Variants in STT3A observed in about 807,000 individuals in gnomAD.
STT3A encodes dolichyl-diphosphooligosaccharide--protein glycosyltransferase subunit STT3A.
In STT3A, 34 loss-of-function variants were observed where a neutral mutation model predicts 89.2. That is an observed-to-expected ratio of 0.38 (90% CI 0.29 to 0.51). The LOEUF (loss-of-function observed/expected upper bound fraction) is 0.51. Among genes scored for constraint, STT3A ranks in the 20% least tolerant of loss-of-function variants. The probability of loss-of-function intolerance (pLI) is 0.89; values close to 1 mark genes in which losing one functional copy is unlikely to be tolerated. For synonymous variants in STT3A, 282 were observed against 310.3 expected (o/e 0.91, Z 0.96); for missense variants, 555 against 889.5 (o/e 0.62, Z 4.78).
chr11:125,606,484 A>G lies in STT3A; in HGVS notation c.780+19A>G. On this transcript the variant is annotated intron_variant, in intron 8 of 17. Coordinates refer to ENST00000392708, the MANE Select transcript of STT3A (RefSeq NM_152713.5). ...TTTCCAGGTGAGCCCTTGACTGAGTAGGGTTTTCAGCTTCTACTTTTTCTA... is the reference window on the plus strand; with the variant it reads ...TTTCCAGGTGAGCCCTTGACTGAGTGGGGTTTTCAGCTTCTACTTTTTCTA... 1 of 1,598,926 alleles carries G rather than the reference A, an allele frequency of 6.3e-7. No individual in the cohort carries two copies. The highest frequency in any genetic ancestry group is 8.5e-7 in the Non-Finnish European group (1 of 1,174,438).
rs551953274 is a variant in STT3A, at chr11:125,614,541, G to A, written c.1774+115G>A. On this transcript the variant is annotated intron_variant, in intron 15 of 17. Coordinates refer to ENST00000392708, the MANE Select transcript of STT3A (RefSeq NM_152713.5). This position sits in a 1 kb window ranked among gnomAD's most constrained non-coding sequence, Gnocchi z 4.9. ...TTTACTAAGATATTTTTCTTTCATG[G>A]GAAGTTCCTAAGTATTTGCAACTTG... 2 of 1,078,992 alleles carry A rather than the reference G, an allele frequency of 1.9e-6. No individual in the cohort carries two copies. Among genetic ancestry groups the A allele is most frequent in the African/African-American group, 1.6e-5 (1 of 62,416 alleles). The allele number at this position is 1,078,992 out of a possible 1,614,324, so 66.8% of individuals were successfully genotyped here.
chr11:125,613,125 T>A lies in STT3A; in HGVS notation c.1502T>A (p.Ile501Lys). 1.9e-6 allele frequency: 3 copies of A among 1,614,174 alleles called. No individual in the cohort carries two copies. The highest frequency in any genetic ancestry group is 1.3e-5 in the African/African-American group (1 of 75,038). ...SARGGDGSRIIFDDFREAYYW... is the reference protein window; with the variant it reads ...SARGGDGSRIKFDDFREAYYW... ...CGTGGTGGGGATGGCAGTAGGATCA[T>A]ATTTGATGACTTCCGAGAAGCATAT... is the stretch of plus-strand genomic sequence containing the variant. The change falls in exon 13 of 18, where the codon ATA (isoleucine) becomes AAA (lysine). Residue 501 changes from isoleucine (I) to lysine (K), a missense_variant. Around this residue, in one of 5 missense-constraint regions of STT3A, gnomAD observed 273 missense variants for 449.8 expected, o/e 0.61. Transcript: ENST00000392708. This position sits in a 1 kb window ranked among gnomAD's most constrained non-coding sequence, Gnocchi z 4.2.
chr11:125,602,327 G>A lies in STT3A; in HGVS notation c.174G>A (p.Arg58=), dbSNP rs1393305367. ...GGTACTTTAATTATCGGACTACCAG[G>A]TTCCTGGCTGAGGAGGGGTTTTATA... ...FDPYFNYRTT[R]FLAEEGFYKF... is the part of the protein sequence containing the mutation. The change falls in exon 4 of 18, where the codon AGG becomes AGA. Residue 58 remains arginine (R), a synonymous_variant. Transcript: ENST00000392708. The A allele has an allele frequency of 6.2e-7, 1 of 1,613,652 alleles. No individual in the cohort carries two copies. The highest frequency in any genetic ancestry group is 8.5e-7 in the Non-Finnish European group (1 of 1,179,924).
At chr11:125,612,850 C>A in intron 12 of STT3A, 103 bp downstream of exon 12, 1 of 1,520,578 alleles carries the variant, frequency 6.6e-7, no homozygotes, top group Non-Finnish European at 9.0e-7. Flanking sequence ...GAGCACTGTC[C>A]TAGGTGGTCA....
intron 4 of STT3A, 86 bp downstream of exon 4, chr11:125,602,510 G>A: frequency 8.6e-6 from 12 of 1,392,896 alleles, no homozygotes; most frequent in Non-Finnish European, 1.0e-5. Flanking sequence ...ATTTCTAATA[G>A]CTTTGTCTTG....
At chr11:125,608,384 G>C (rs897504399) in intron 9 of STT3A, 95 bp downstream of exon 9, 2 of 1,268,272 alleles carry the variant, frequency 1.6e-6, no homozygotes, top group Non-Finnish European at 2.1e-6. Context: ...GTGCGATCTC[G>C]GCTCACTGCA....
Position 125,608,174 on chromosome 11 carries a change from T to G in STT3A, c.846T>G (p.Phe282Leu). The change falls in exon 9 of 18, where the codon TTT becomes TTG. Residue 282 changes from phenylalanine to leucine, a missense_variant. Around this residue, in one of 5 missense-constraint regions of STT3A, gnomAD observed 149 missense variants for 206.2 expected, o/e 0.72. Coordinates refer to ENST00000392708, the MANE Select transcript of STT3A (RefSeq NM_152713.5). ...TTGGTCTCTGCCAGATCCATGCCTT[T>G]GTGGATTACCTGCGCAGCAAGTTGA... ...GVFGLCQIHA[F>L]VDYLRSKLNP... is the part of the protein sequence containing the mutation. 6.2e-7 allele frequency: 1 copy of G among 1,614,228 alleles called. No individual in the cohort carries two copies. The highest frequency in any genetic ancestry group is 1.1e-5 in the South Asian group (1 of 91,088).
chr11:125,598,929 A>G (rs12284897), intron 3 of STT3A, among the ~76,000 whole-genome samples: 16,117 of 152,134 alleles, frequency 0.11, 1,238 homozygotes, highest in African/African-American at 0.22. Flanking sequence ...CTTGATCCCA[A>G]TCTGTTAGGC....
At chr11:125,603,658 G>A (rs144572939) in intron 5 of STT3A, among the ~76,000 whole-genome samples, 4 of 152,300 alleles carry the variant, frequency 2.6e-5, no homozygotes, top group African/African-American at 4.8e-5. Flanking sequence ...AGCTCAAAGG[G>A]TGCCTGGTGA....
intron 12 of STT3A, 36 bp downstream of exon 12, chr11:125,612,783 CTGTG>C (rs368068379): frequency 2.6e-6 from 4 of 1,564,870 alleles, no homozygotes; most frequent in Non-Finnish European, 8.7e-7. Flanking sequence ...TTGGGAAACT[CTGTG>C]TGTGTGTGTG....
In STT3A at chr11:125,595,988, A is replaced by G. The variant is rs1000972719; in HGVS notation, c.73A>G (p.Met25Val). ...DTLLKLLILS[M>V]AAVLSFSTRL... ...ACTTTTGAAGCTTCTCATTCTGTCA[A>G]TGGCTGCTGTATTATGTGAGTGTGC... is the stretch of plus-strand genomic sequence containing the variant. Residue 25 changes from methionine to valine, a missense_variant, in exon 2 of 18, where the codon ATG (methionine) becomes GTG (valine). Physicochemically the swap from Met to Val is conservative, Grantham distance 21. Around this residue, in one of 5 missense-constraint regions of STT3A, gnomAD observed 129 missense variants for 193.2 expected, o/e 0.67. Coordinates refer to ENST00000392708, the MANE Select transcript of STT3A (RefSeq NM_152713.5). 7.4e-6 allele frequency: 12 copies of G among 1,613,512 alleles called. 1 individual carries two copies. The Middle Eastern group carries it at 4.9e-4, about 66-fold the overall frequency.
At chr11:125,619,886 ACT>A (rs1940297106) in intron 16 of STT3A, 123 bp from the exon 17 acceptor site, 2 of 793,014 alleles carry the variant, frequency 2.5e-6, no homozygotes, top group Non-Finnish European at 2.0e-6. Context: ...TGCAGGCTCT[ACT>A]CTCAACAAAT....
rs757002198 is a variant in STT3A at position 125,602,435 on chromosome 11, C to T, written c.271+11C>T. The T allele has an allele frequency of 6.4e-7, 1 of 1,561,360 alleles. No individual in the cohort carries two copies. The highest frequency in any genetic ancestry group is 1.2e-5 in the South Asian group (1 of 82,072). On this transcript the variant is annotated intron_variant, in intron 4 of 17. Transcript: ENST00000392708. ...GAACAATTTACCCAGGTGAGGAGACCAGATGTGTTTTTTTTTTTAAAAAAA... is the reference window on the plus strand; with the variant it reads ...GAACAATTTACCCAGGTGAGGAGACTAGATGTGTTTTTTTTTTTAAAAAAA...
At chr11:125,605,875 A>G in intron 7 of STT3A, 140 bp downstream of exon 7, 2 of 639,814 alleles carry the variant, frequency 3.1e-6, no homozygotes, top group South Asian at 4.1e-5. Flanking sequence ...TTCTGTTCAT[A>G]CTTACGTATA....
Position 125,614,537 on chromosome 11 carries a change from C to T in STT3A, c.1774+111C>T. 9.0e-7 allele frequency: 1 copy of T among 1,109,328 alleles called. No individual in the cohort carries two copies. The highest frequency in any genetic ancestry group is 1.3e-6 in the Non-Finnish European group (1 of 780,356). 68.7% of individuals were successfully genotyped at this position (1,109,328 alleles called of 1,614,324 possible). ...ATATTTTACTAAGATATTTTTCTTT[C>T]ATGGGAAGTTCCTAAGTATTTGCAA... On this transcript the variant is annotated intron_variant, in intron 15 of 17. Coordinates refer to ENST00000392708, the MANE Select transcript of STT3A (RefSeq NM_152713.5). The surrounding 1 kb of genome is among the most constrained non-coding windows in gnomAD (Gnocchi z 4.9).
rs1202898855 is a variant in STT3A, at chr11:125,603,191, G to GA, written c.417+250dup. On this transcript the variant is annotated intron_variant, in intron 5 of 17. Transcript: ENST00000392708. Reference sequence around the variant, plus strand: ...AGTGAAATGTAAATTGCAACATAAAGAAAAAAACATTTAAAATGCAAAATG... The same window carrying GA: ...AGTGAAATGTAAATTGCAACATAAAGAAAAAAAACATTTAAAATGCAAAATG... Among the ~76,000 whole-genome samples the GA allele has an allele frequency of 2.0e-5, 3 of 151,790 alleles. No individual in the cohort carries two copies. In the Middle Eastern group the frequency reaches 0.01, roughly 516 times the overall value.
At position 125,612,765 on chromosome 11, in the gene STT3A, G is replaced by C; in HGVS notation, c.1365+18G>C. 1 of 1,611,970 alleles carries C rather than the reference G, an allele frequency of 6.2e-7. No individual in the cohort carries two copies. The highest frequency in any genetic ancestry group is 1.1e-5 in the South Asian group (1 of 90,730). ...AGAATGAAGTGAGAAGCAATGTTAA[G>C]AGTAGACTTGGGAAACTCTGTGTGT... On this transcript the variant is annotated intron_variant, in intron 12 of 17. Transcript: ENST00000392708.
chr11:125,599,188 T>C (rs1341179875), intron 3 of STT3A, among the ~76,000 whole-genome samples: 7 of 152,224 alleles, frequency 4.6e-5, no homozygotes, highest in Non-Finnish European at 7.3e-5. Context: ...TACTGATGTC[T>C]GCAACCCTCA....
chr11:125,614,614 A>AT lies in STT3A; in HGVS notation c.1774+189dup, dbSNP rs1420307736. 2.0e-5 allele frequency among the ~76,000 whole-genome samples: 3 copies of AT among 152,146 alleles called. No homozygotes were observed. Among genetic ancestry groups the AT allele is most frequent in the Non-Finnish European group, 4.4e-5 (3 of 68,034 alleles). Reference sequence around the variant, plus strand: ...TTCTTTTTGTAACAAGAGGACATAAATGTAAACAATTCTTGTGTAGGTACA... The same window carrying AT: ...TTCTTTTTGTAACAAGAGGACATAAATTGTAAACAATTCTTGTGTAGGTACA... On this transcript the variant is annotated intron_variant, in intron 15 of 17. Transcript: ENST00000392708. The surrounding 1 kb of genome is among the most constrained non-coding windows in gnomAD (Gnocchi z 4.9).
Sources: allele counts gnomAD v4.1 joint callset (sites outside exome capture counted in the v4.1 genomes callset), GRCh38; gene constraint gnomAD v4.1.1; regional missense constraint gnomAD v4.1.1; non-coding constraint Gnocchi (gnomAD v3.1); transcripts MANE v1.5; gene names NCBI Gene and HGNC (gene_info 2026-07-23, HGNC 2026-07-21).